The following VPS53 variants were observed in gnomAD, a reference collection of about 807,000 sequenced individuals.
The protein encoded by VPS53 is vacuolar protein sorting-associated protein 53 homolog.
VPS53 carries 70 observed loss-of-function variants against 107.0 expected under a neutral mutation model. The observed-to-expected ratio is 0.65, with a 90% confidence interval of 0.54 to 0.80. VPS53 has a LOEUF of 0.80. Among genes scored for constraint, VPS53 ranks in the 30% least tolerant of loss-of-function variants. The probability of loss-of-function intolerance (pLI) is 0.00; values close to 1 mark genes in which losing one functional copy is unlikely to be tolerated. For missense variants in VPS53, 917 were observed against 1,049.4 expected (o/e 0.87, Z 1.74); for synonymous variants, 409 against 393.3 (o/e 1.04, Z -0.47).
intron 11 of VPS53, among the ~76,000 whole-genome samples, chr17:602,854 A>G (rs1275429485): frequency 1.3e-5 from 2 of 152,182 alleles, no homozygotes; most frequent in Non-Finnish European, 2.9e-5. Flanking sequence ...TATGCCTGGG[A>G]GCTGAAGGCT....
intron 17 of VPS53, among the ~76,000 whole-genome samples, chr17:541,174 G>A (rs775608513): frequency 6.6e-5 from 10 of 152,130 alleles, no homozygotes; most frequent in Non-Finnish European, 1.5e-4. Context: ...CTTTACTCAG[G>A]CACACACGTA....
At chr17:580,605 C>A (rs1304179243) in intron 13 of VPS53, among the ~76,000 whole-genome samples, 5 of 150,428 alleles carry the variant, frequency 3.3e-5, no homozygotes, top group Admixed American at 2.0e-4. Context: ...TCCCAGGGAA[C>A]CTCCCTCAGA....
chr17:572,036 G>A (rs1417965477), intron 13 of VPS53, among the ~76,000 whole-genome samples: 2 of 150,882 alleles, frequency 1.3e-5, no homozygotes, highest in Admixed American at 1.3e-4. Flanking sequence ...CCTCTGCCTG[G>A]CTGCCCAGTC....
At chr17:567,458 G>A (rs1030202975) in intron 13 of VPS53, among the ~76,000 whole-genome samples, 2 of 151,914 alleles carry the variant, frequency 1.3e-5, no homozygotes, top group African/African-American at 4.8e-5. Context: ...ATGGGAATGC[G>A]TAAGGCTCAT....
At chr17:694,419 A>G (rs1398963578) in intron 4 of VPS53, among the ~76,000 whole-genome samples, 1 of 152,188 alleles carries the variant, frequency 6.6e-6, no homozygotes, top group Non-Finnish European at 1.5e-5. Context: ...TAAATAACTG[A>G]AAGATACACA....
intron 2 of VPS53, among the ~76,000 whole-genome samples, chr17:703,951 G>A (rs1973307089): frequency 6.6e-6 from 1 of 152,052 alleles, no homozygotes; most frequent in African/African-American, 2.4e-5. Context: ...CCAAAGTGCT[G>A]GGATTAGAGA....
At chr17:627,559 C>T in intron 9 of VPS53, among the ~76,000 whole-genome samples, 1 of 152,144 alleles carries the variant, frequency 6.6e-6, no homozygotes, top group Non-Finnish European at 1.5e-5. Context: ...CAGCAGATCA[C>T]CTGAGGTCAG....
chr17:681,426 C>G (rs577251206), intron 4 of VPS53, among the ~76,000 whole-genome samples: 1 of 152,224 alleles, frequency 6.6e-6, no homozygotes, highest in African/African-American at 2.4e-5. Context: ...TGAGCCACTG[C>G]GCCCGGCCTA....
chr17:624,755 A>G (rs547976795), intron 10 of VPS53, among the ~76,000 whole-genome samples: 3 of 152,286 alleles, frequency 2.0e-5, no homozygotes, highest in Admixed American at 1.3e-4. Context: ...GCTGAACTGT[A>G]GGCTAAAAAG....
intron 11 of VPS53, among the ~76,000 whole-genome samples, chr17:610,583 T>C (rs1422370574): frequency 2.0e-5 from 3 of 151,908 alleles, no homozygotes; most frequent in Non-Finnish European, 4.4e-5. Flanking sequence ...GGAGAAAACA[T>C]TGGCAAATCA....
chr17:618,258 C>G (rs922784676), intron 11 of VPS53, among the ~76,000 whole-genome samples: 1 of 84,012 alleles, frequency 1.2e-5, no homozygotes, highest in Non-Finnish European at 2.8e-5. Context: ...TGCACCACCA[C>G]GCCTGCTAAT....
chr17:644,949 T>G (rs1241854266), intron 7 of VPS53, among the ~76,000 whole-genome samples: 2 of 152,186 alleles, frequency 1.3e-5, no homozygotes, highest in African/African-American at 4.8e-5. Flanking sequence ...AAATAGAGAT[T>G]GCGAAATGAA....
intron 4 of VPS53, among the ~76,000 whole-genome samples, chr17:679,273 T>G (rs958647395): frequency 1.3e-5 from 2 of 151,894 alleles, no homozygotes; most frequent in East Asian, 1.9e-4. Context: ...CCCAGCACAT[T>G]GGGAGGCCGA....
At chr17:555,946 AG>A (rs1324556652) in intron 15 of VPS53, among the ~76,000 whole-genome samples, 1 of 152,166 alleles carries the variant, frequency 6.6e-6, no homozygotes, top group Non-Finnish European at 1.5e-5. Flanking sequence ...AAGATTGCAG[AG>A]GGGGCAAAGG....
chr17:617,558 C>T (rs1485942604), intron 11 of VPS53, among the ~76,000 whole-genome samples: 25 of 151,992 alleles, frequency 1.6e-4, no homozygotes, highest in Admixed American at 1.6e-3. Flanking sequence ...TGCGCCACCA[C>T]GCCCCACTAA....
chr17:630,597 G>T (rs776667804), intron 8 of VPS53, among the ~76,000 whole-genome samples: 2 of 152,196 alleles, frequency 1.3e-5, no homozygotes, highest in Non-Finnish European at 2.9e-5. Flanking sequence ...TTAAAATCAG[G>T]AGCGGGCTTC....
At chr17:567,734 A>G (rs1913659016) in intron 13 of VPS53, among the ~76,000 whole-genome samples, 1 of 152,062 alleles carries the variant, frequency 6.6e-6, no homozygotes, top group Non-Finnish European at 1.5e-5. Flanking sequence ...AAAAAAAATA[A>G]ACAAATTAGT....
chr17:623,524 A>G lies in VPS53; in HGVS notation c.1116+9T>C. The G allele has an allele frequency of 6.2e-7, 1 of 1,608,918 alleles. No individual in the cohort carries two copies. The highest frequency in any genetic ancestry group is 8.5e-7 in the Non-Finnish European group (1 of 1,176,102). ...ATTTCACGTGGCAGCTCCCTAGGGA[A>G]GGTCTTACCAGGGTCCCATCGGTCA... On this transcript the variant is annotated intron_variant, in intron 11 of 21. Coordinates refer to ENST00000437048, the MANE Select transcript of VPS53 (RefSeq NM_001128159.3).
intron 12 of VPS53, among the ~76,000 whole-genome samples, chr17:595,905 G>A (rs1227221559): frequency 3.1e-5 from 4 of 130,322 alleles, no homozygotes; most frequent in African/African-American, 9.6e-5. Context: ...CCCCCTGGAG[G>A]AAGCTGGGAG....
Sources: gnomAD v4.1 joint callset for allele counts (sites outside exome capture counted in the v4.1 genomes callset) on GRCh38, gnomAD v4.1.1 for gene constraint, MANE v1.5 for transcripts, NCBI Gene and HGNC (gene_info 2026-07-23, HGNC 2026-07-21) for gene names.